Variants in RIMS1 observed in about 807,000 individuals in gnomAD.
RIMS1 encodes the protein regulating synaptic membrane exocytosis protein 1.
RIMS1 carries 83 observed loss-of-function variants against 214.1 expected under a neutral mutation model. That is an observed-to-expected ratio of 0.39 (90% confidence interval 0.32 to 0.47). RIMS1 has a LOEUF of 0.47. RIMS1 is among the 20% of genes least tolerant of loss of function. The pLI is 0.99. For synonymous variants in RIMS1, 793 were observed against 786.8 expected (o/e 1.01, Z -0.13); for missense variants, 2,050 against 2,161.8 (o/e 0.95, Z 1.03).
At chr6:72,271,287 A>AG (rs2083194107) in intron 22 of RIMS1, among the ~76,000 whole-genome samples, 1 of 5,736 alleles carries the variant, frequency 1.7e-4, no homozygotes, top group Non-Finnish European at 3.7e-4. Context: ...AAAAAAAAAA[A>AG]TATATATATA....
chr6:72,169,777 G>A (rs1183932010), intron 4 of RIMS1, among the ~76,000 whole-genome samples: 1 of 152,138 alleles, frequency 6.6e-6, no homozygotes, highest in Non-Finnish European at 1.5e-5. Flanking sequence ...AGCTGAGCGT[G>A]GTGCCTGCCT....
chr6:71,918,099 G>A (rs62407752), intron 1 of RIMS1, among the ~76,000 whole-genome samples: 28,918 of 151,950 alleles, frequency 0.19, 2,933 homozygotes, highest in East Asian at 0.36. Context: ...TATAAATTTG[G>A]AGTGGTCAGA....
chr6:72,239,139 A>C (rs981264853), intron 9 of RIMS1, among the ~76,000 whole-genome samples: 1 of 152,180 alleles, frequency 6.6e-6, no homozygotes, highest in African/African-American at 2.4e-5. Flanking sequence ...AGCCTCAGAA[A>C]GTCTGAGAAT....
intron 31 of RIMS1, among the ~76,000 whole-genome samples, chr6:72,396,482 T>C (rs1315604338): frequency 1.3e-5 from 2 of 152,178 alleles, no homozygotes; most frequent in East Asian, 3.8e-4. Flanking sequence ...GACCCAGCAA[T>C]ACAACTTCTA....
At chr6:72,163,302 G>A (rs1355271496) in intron 4 of RIMS1, among the ~76,000 whole-genome samples, 1 of 139,264 alleles carries the variant, frequency 7.2e-6, no homozygotes, top group African/African-American at 2.5e-5. Context: ...TTTTTTCAAG[G>A]CTTTTAACTT....
At chr6:72,143,982 G>A (rs749768042) in intron 4 of RIMS1, among the ~76,000 whole-genome samples, 3 of 152,166 alleles carry the variant, frequency 2.0e-5, no homozygotes, top group African/African-American at 4.8e-5. Flanking sequence ...GGCAATAATA[G>A]CAAGTAAACA....
At chr6:71,976,300 G>T (rs973361130) in intron 2 of RIMS1, among the ~76,000 whole-genome samples, 1 of 152,036 alleles carries the variant, frequency 6.6e-6, no homozygotes, top group Non-Finnish European at 1.5e-5. Context: ...TTTCCCTAGT[G>T]AATAATGATA....
rs977942184 is a variant in RIMS1 at position 72,154,589 on chromosome 6, G to A, written c.472-24986G>A. 4.3e-5 allele frequency among the ~76,000 whole-genome samples: 6 copies of A among 140,696 alleles called. 1 individual carries two copies. The East Asian group carries it at 6.0e-4, about 14-fold the overall frequency. The allele number at this position is 140,696 out of a possible 152,430, so 92.3% of individuals were successfully genotyped here. On this transcript the variant is annotated intron_variant, in intron 4 of 33. Coordinates refer to ENST00000521978, the MANE Select transcript of RIMS1 (RefSeq NM_014989.7). ...ACTCTTTCTATTATCATGCCCTTGC[G>A]CAAGTATCAACTTTGACAACTACCC...
At chr6:72,135,386 C>A (rs923898591) in intron 4 of RIMS1, among the ~76,000 whole-genome samples, 1 of 152,144 alleles carries the variant, frequency 6.6e-6, no homozygotes, top group African/African-American at 2.4e-5. Context: ...ATCATGCATA[C>A]TGTCAAGAAC....
chr6:72,248,704 T>A (rs191930494), intron 12 of RIMS1, among the ~76,000 whole-genome samples: 335 of 152,276 alleles, frequency 2.2e-3, no homozygotes, highest in Non-Finnish European at 2.5e-3. Flanking sequence ...GATGTTGATA[T>A]TATAATTTAA....
chr6:71,898,874 C>G (rs1164057186), intron 1 of RIMS1, among the ~76,000 whole-genome samples: 1 of 152,074 alleles, frequency 6.6e-6, no homozygotes, highest in Non-Finnish European at 1.5e-5. Context: ...CACCGTCACC[C>G]TTTTTACACT....
chr6:72,255,600 T>C (rs2154146382), intron 16 of RIMS1, among the ~76,000 whole-genome samples: 1 of 152,300 alleles, frequency 6.6e-6, no homozygotes, highest in Middle Eastern at 3.4e-3. Context: ...TAAATAATTT[T>C]AGCTAGTTAA....
At chr6:72,121,382 G>A (rs1034038206) in intron 4 of RIMS1, among the ~76,000 whole-genome samples, 1 of 151,744 alleles carries the variant, frequency 6.6e-6, no homozygotes, top group African/African-American at 2.4e-5. Context: ...ATTGTAAGTT[G>A]GATTCCTAGG....
chr6:72,020,344 C>T (rs1257742764), intron 2 of RIMS1, among the ~76,000 whole-genome samples: 1 of 152,196 alleles, frequency 6.6e-6, no homozygotes, highest in Non-Finnish European at 1.5e-5. Flanking sequence ...CTTAAAATCA[C>T]ATAGTTTTTC....
chr6:71,956,489 A>G (rs1481666995), intron 1 of RIMS1, among the ~76,000 whole-genome samples: 1 of 152,180 alleles, frequency 6.6e-6, no homozygotes, highest in African/African-American at 2.4e-5. Flanking sequence ...CATGATAAAC[A>G]TTTGTAATAT....
intron 6 of RIMS1, among the ~76,000 whole-genome samples, chr6:72,205,507 T>G (rs2052750196): frequency 6.6e-6 from 1 of 152,100 alleles, no homozygotes; most frequent in Admixed American, 6.6e-5. Context: ...GAGCATGAGA[T>G]TGTATATTTC....
At chr6:72,302,025 T>A (rs1237952566) in intron 26 of RIMS1, among the ~76,000 whole-genome samples, 1 of 151,592 alleles carries the variant, frequency 6.6e-6, no homozygotes, top group Non-Finnish European at 1.5e-5. Context: ...ATTTTAACAA[T>A]ACCCTATTGA....
chr6:72,309,305 A>C (rs2095394129), intron 27 of RIMS1, among the ~76,000 whole-genome samples: 1 of 152,150 alleles, frequency 6.6e-6, no homozygotes, highest in African/African-American at 2.4e-5. Flanking sequence ...CTGACTCATA[A>C]CTTAAAAACT....
chr6:72,135,003 C>T (rs60020363), intron 4 of RIMS1, among the ~76,000 whole-genome samples: 42,600 of 151,790 alleles, frequency 0.28, 6,943 homozygotes, highest in Non-Finnish European at 0.37. Context: ...ACAAAATTTT[C>T]GTTAAATGAT....
Sources: gnomAD v4.1 joint callset for allele counts (sites outside exome capture counted in the v4.1 genomes callset) on GRCh38, gnomAD v4.1.1 for gene constraint, MANE v1.5 for transcripts, NCBI Gene and HGNC (gene_info 2026-07-23, HGNC 2026-07-21) for gene names.